Variants in R3HDM2 observed in about 807,000 individuals in gnomAD.
R3HDM2 encodes R3H domain containing 2, also known as R3H domain-containing protein 2.
In R3HDM2, 38 loss-of-function variants were observed where a neutral mutation model predicts 124.5. That is an observed-to-expected ratio of 0.31 (90% CI 0.24 to 0.40). The LOEUF is 0.40. R3HDM2 is among the 10% of genes least tolerant of loss of function. The probability of loss-of-function intolerance (pLI) is 1.00; values close to 1 mark genes in which losing one functional copy is unlikely to be tolerated. For missense variants in R3HDM2, 869 were observed against 1,236.9 expected, an observed-to-expected ratio of 0.70 and a Z score of 4.46; for synonymous variants, 391 against 448.0, an observed-to-expected ratio of 0.87 and a Z score of 1.61.
intron 2 of R3HDM2, among the ~76,000 whole-genome samples, chr12:57,378,565 G>A (rs1388433988): frequency 6.6e-6 from 1 of 152,000 alleles, no homozygotes; most frequent in African/African-American, 2.4e-5. Context: ...ATTTTGTAGA[G>A]ACAGCGTTTT....
chr12:57,275,949 G>A (rs1298391453), intron 14 of R3HDM2, among the ~76,000 whole-genome samples: 2 of 152,280 alleles, frequency 1.3e-5, no homozygotes, highest in African/African-American at 4.8e-5. Context: ...CGGGCGCAGT[G>A]GCTCATGCCT....
At chr12:57,292,761 G>A (rs1357108432) in intron 10 of R3HDM2, 94 bp from the exon 11 acceptor site, 1 of 793,624 alleles carries the variant, frequency 1.3e-6, no homozygotes. Context: ...AAAGTTTATA[G>A]TTGCCATCAA....
chr12:57,385,631 A>G (rs1378076696), intron 2 of R3HDM2, among the ~76,000 whole-genome samples: 2 of 151,154 alleles, frequency 1.3e-5, no homozygotes, highest in African/African-American at 4.9e-5. Context: ...CTTGATCCTG[A>G]GAGGTCGAGG....
Position 57,289,024 on chromosome 12 carries a change from T to C in R3HDM2, c.923A>G (p.Tyr308Cys). 1 of 1,549,992 alleles carries C rather than the reference T, an allele frequency of 6.5e-7. No individual in the cohort carries two copies. The highest frequency in any genetic ancestry group is 8.7e-7 in the Non-Finnish European group (1 of 1,145,260). ...IFARETGQNG[Y>C]LNDIRGNREG... Reference sequence around the variant, plus strand: ...TGGTACTAACCTGATGTCATTTAGATATCCGTTCTGGCCAGTCTAGGTGAG... The same window carrying C: ...TGGTACTAACCTGATGTCATTTAGACATCCGTTCTGGCCAGTCTAGGTGAG... Residue 308 changes from tyrosine (Y) to cysteine (C), a missense_variant, in exon 12 of 24, where the codon TAT becomes TGT. By Grantham distance (194) the Tyr-to-Cys change is radical (BLOSUM62 -2). Coordinates refer to ENST00000402412, the MANE Select transcript of R3HDM2 (RefSeq NM_001394031.1).
chr12:57,263,330 A>G (rs1199407425), intron 19 of R3HDM2, among the ~76,000 whole-genome samples: 1 of 152,200 alleles, frequency 6.6e-6, no homozygotes, highest in Admixed American at 6.5e-5. Flanking sequence ...GGTTTCTGCA[A>G]TATCTATACC....
chr12:57,417,384 CAAA>C (rs542470589), intron 1 of R3HDM2, among the ~76,000 whole-genome samples: 1 of 110,228 alleles, frequency 9.1e-6, no homozygotes, highest in Non-Finnish European at 1.9e-5. Flanking sequence ...AATTCCATTT[CAAA>C]AAAAAAAAAA....
rs78542359 is a variant in R3HDM2, at chr12:57,308,244, C to T, written c.165+2020G>A. Among the ~76,000 whole-genome samples, 1,344 of 151,338 alleles carry T rather than the reference C, an allele frequency of 8.9e-3. 22 individuals are homozygous for T. The highest frequency in any genetic ancestry group is 0.072 in the East Asian group (359 of 5,016). Reference sequence around the variant, plus strand: ...TAATTTTTTGTATTTTTAGTGGAGCCAGGGTTTCACCATGTTGGCCAGGCC... The same window carrying T: ...TAATTTTTTGTATTTTTAGTGGAGCTAGGGTTTCACCATGTTGGCCAGGCC... On this transcript the variant is annotated intron_variant, in intron 3 of 23. Coordinates refer to ENST00000402412, the MANE Select transcript of R3HDM2 (RefSeq NM_001394031.1).
chr12:57,409,946 G>A, intron 1 of R3HDM2, among the ~76,000 whole-genome samples: 1 of 152,106 alleles, frequency 6.6e-6, no homozygotes, highest in East Asian at 1.9e-4. Flanking sequence ...AAATCAATGA[G>A]AGAATATGTA....
At chr12:57,365,855 G>C (rs918460787) in intron 2 of R3HDM2, among the ~76,000 whole-genome samples, 2 of 151,506 alleles carry the variant, frequency 1.3e-5, no homozygotes, top group Non-Finnish European at 2.9e-5. Flanking sequence ...AGAACTGCTT[G>C]AACCTGGGAA....
chr12:57,270,930 GAA>G (rs1174293139), intron 14 of R3HDM2, among the ~76,000 whole-genome samples: 3 of 152,174 alleles, frequency 2.0e-5, no homozygotes, highest in Non-Finnish European at 4.4e-5. Context: ...ACTGTATATA[GAA>G]AAAACAGGAC....
At chr12:57,276,141 C>T (rs1005079801) in intron 14 of R3HDM2, among the ~76,000 whole-genome samples, 16 of 150,666 alleles carry the variant, frequency 1.1e-4, no homozygotes, top group Admixed American at 1.1e-3. Context: ...GGCATGAACC[C>T]GGAGCTTGCA....
intron 1 of R3HDM2, among the ~76,000 whole-genome samples, chr12:57,423,351 G>A (rs1004288191): frequency 2.0e-5 from 3 of 151,988 alleles, no homozygotes; most frequent in Admixed American, 1.3e-4. Context: ...TTGAACCCAG[G>A]AGGCGGAGGG....
intron 14 of R3HDM2, among the ~76,000 whole-genome samples, chr12:57,276,907 G>A (rs1236415284): frequency 6.6e-6 from 1 of 151,516 alleles, no homozygotes; most frequent in African/African-American, 2.4e-5. Flanking sequence ...AAAAAAGAAT[G>A]ATAAAATGGA....
At chr12:57,264,289 T>C (rs1592411943) in intron 19 of R3HDM2, among the ~76,000 whole-genome samples, 2 of 135,178 alleles carry the variant, frequency 1.5e-5, no homozygotes, top group Admixed American at 1.6e-4. Context: ...GGAAGCTGGC[T>C]CAACACCTGT....
intron 2 of R3HDM2, among the ~76,000 whole-genome samples, chr12:57,371,613 T>C (rs1351043158): frequency 4.6e-5 from 7 of 152,152 alleles, no homozygotes; most frequent in African/African-American, 1.7e-4. Context: ...ATAACTAAAA[T>C]GAATCTTGAT....
chr12:57,270,130 T>C, intron 14 of R3HDM2, 136 bp from the exon 15 acceptor site: 6 of 1,079,360 alleles, frequency 5.6e-6, no homozygotes, highest in Non-Finnish European at 8.1e-6. Flanking sequence ...ACCTCTGTGC[T>C]GTGCTATGAA....
At chr12:57,262,099 C>A (rs1167588483) in intron 19 of R3HDM2, among the ~76,000 whole-genome samples, 1 of 152,082 alleles carries the variant, frequency 6.6e-6, no homozygotes, top group East Asian at 1.9e-4. Flanking sequence ...GAAATCACAT[C>A]TATGGAAAGG....
intron 2 of R3HDM2, among the ~76,000 whole-genome samples, chr12:57,315,846 G>A (rs1467474845): frequency 2.6e-5 from 4 of 152,196 alleles, no homozygotes; most frequent in African/African-American, 7.2e-5. Flanking sequence ...TTGGCTGGGC[G>A]TGTTGGCTCA....
At chr12:57,407,335 A>T (rs1166824156) in intron 1 of R3HDM2, among the ~76,000 whole-genome samples, 2 of 152,134 alleles carry the variant, frequency 1.3e-5, no homozygotes, top group Non-Finnish European at 1.5e-5. Flanking sequence ...TTAAACATAT[A>T]AGCTACTAAA....
Sources: gnomAD v4.1 joint callset for allele counts (sites outside exome capture counted in the v4.1 genomes callset) on GRCh38, gnomAD v4.1.1 for gene constraint, MANE v1.5 for transcripts, NCBI Gene and HGNC (gene_info 2026-07-23, HGNC 2026-07-21) for gene names.